Variants in NEGR1 observed in about 807,000 individuals in gnomAD.
NEGR1 encodes the protein IgLON family member 4.
In NEGR1, 10 loss-of-function variants were observed where a neutral mutation model predicts 40.9. The observed-to-expected ratio is 0.24, with a 90% CI of 0.15 to 0.42. The LOEUF (loss-of-function observed/expected upper bound fraction) is 0.42. Among genes scored for constraint, NEGR1 ranks in the 10% least tolerant of loss-of-function variants. The probability of loss-of-function intolerance (pLI) is 1.00; values close to 1 mark genes in which losing one functional copy is unlikely to be tolerated. For missense variants in NEGR1, 352 were observed against 438.9 expected, an observed-to-expected ratio of 0.80 and a Z score of 1.77; for synonymous variants, 185 against 166.8, an observed-to-expected ratio of 1.11 and a Z score of -0.84.
intron 4 of NEGR1, among the ~76,000 whole-genome samples, chr1:71,671,692 AC>A (rs1652437706): frequency 6.6e-6 from 1 of 152,074 alleles, no homozygotes; most frequent in Non-Finnish European, 1.5e-5. Context: ...TCTGATAAAT[AC>A]CATGGCCAGG....
At chr1:72,067,484 C>A (rs1481966979) in intron 1 of NEGR1, among the ~76,000 whole-genome samples, 1 of 152,052 alleles carries the variant, frequency 6.6e-6, no homozygotes, top group Non-Finnish European at 1.5e-5. Context: ...GATATCTACT[C>A]CAGTTTTAGG....
chr1:71,706,201 G>A (rs1653894008), intron 3 of NEGR1, among the ~76,000 whole-genome samples: 1 of 152,176 alleles, frequency 6.6e-6, no homozygotes, highest in Admixed American at 6.5e-5. Context: ...CAGCTGTGAG[G>A]CATTAAACTC....
intron 2 of NEGR1, among the ~76,000 whole-genome samples, chr1:71,905,982 C>T (rs927555268): frequency 3.3e-5 from 5 of 152,002 alleles, no homozygotes; most frequent in Non-Finnish European, 5.9e-5. Context: ...CCAGAAACTG[C>T]CACCTAATAT....
At chr1:72,022,849 T>C (rs918978278) in intron 1 of NEGR1, among the ~76,000 whole-genome samples, 1 of 152,158 alleles carries the variant, frequency 6.6e-6, no homozygotes, top group Admixed American at 6.5e-5. Flanking sequence ...AATTCAATAA[T>C]TGTTTGGCAA....
intron 2 of NEGR1, among the ~76,000 whole-genome samples, chr1:71,907,745 C>T (rs1661316656): frequency 6.6e-6 from 1 of 152,096 alleles, no homozygotes; most frequent in Non-Finnish European, 1.5e-5. Flanking sequence ...GACATGAAAT[C>T]AACCTAGGTG....
intron 3 of NEGR1, among the ~76,000 whole-genome samples, chr1:71,745,622 G>C (rs1372150497): frequency 1.3e-5 from 2 of 152,036 alleles, no homozygotes; most frequent in Non-Finnish European, 2.9e-5. Context: ...TAAAAATTTT[G>C]GGAAAGTTTC....
rs538258360 is a variant in NEGR1 at position 71,645,293 on chromosome 1, G to A, written c.668-34147C>T. Among the ~76,000 whole-genome samples the A allele has an allele frequency of 1.3e-4, 20 of 152,106 alleles. 2 individuals carry two copies. Among genetic ancestry groups the A allele is most frequent in the South Asian group, 8.3e-4 (4 of 4,832 alleles). ...GTATGCATAGTACTCACTGATATTT[G>A]TTGACTGTTAGGTAAATAAAACTTT... On this transcript the variant is annotated intron_variant, in intron 4 of 6. Coordinates refer to ENST00000357731, the MANE Select transcript of NEGR1 (RefSeq NM_173808.3).
intron 1 of NEGR1, among the ~76,000 whole-genome samples, chr1:72,236,251 G>C (rs12096618): frequency 1.3e-5 from 2 of 151,970 alleles, no homozygotes; most frequent in Non-Finnish European, 2.9e-5. Context: ...ATGGACACAG[G>C]GAGGGGAACA....
intron 4 of NEGR1, among the ~76,000 whole-genome samples, chr1:71,639,766 G>A (rs1454442519): frequency 6.6e-6 from 1 of 152,004 alleles, no homozygotes; most frequent in Admixed American, 6.6e-5. Context: ...CTGAGTACCA[G>A]AGGCAGCATG....
At chr1:71,610,893 A>G in intron 5 of NEGR1, 133 bp downstream of exon 5, 2 of 830,496 alleles carry the variant, frequency 2.4e-6, no homozygotes, top group Non-Finnish European at 3.8e-6. Flanking sequence ...GGGCCCCTTC[A>G]GTTTGCTTGC....
At chr1:71,500,377 C>T (rs1287398916) in intron 6 of NEGR1, among the ~76,000 whole-genome samples, 7 of 151,866 alleles carry the variant, frequency 4.6e-5, no homozygotes, top group Non-Finnish European at 7.4e-5. Context: ...CTGAACTTTC[C>T]ACCAGGACTC....
At chr1:72,233,691 T>C (rs907087100) in intron 1 of NEGR1, among the ~76,000 whole-genome samples, 2 of 152,168 alleles carry the variant, frequency 1.3e-5, no homozygotes, top group Non-Finnish European at 2.9e-5. Context: ...ATCCAATCCA[T>C]TATTGATGAG....
intron 1 of NEGR1, among the ~76,000 whole-genome samples, chr1:72,253,535 T>G (rs1655171198): frequency 1.3e-5 from 2 of 152,072 alleles, no homozygotes. Context: ...TCCATTCAAC[T>G]GCAGAAAAAG....
At chr1:71,986,865 A>G (rs1646399514) in intron 1 of NEGR1, among the ~76,000 whole-genome samples, 1 of 152,208 alleles carries the variant, frequency 6.6e-6, no homozygotes, top group Non-Finnish European at 1.5e-5. Flanking sequence ...TCCCCAGTAC[A>G]AAAGTCTTAA....
intron 1 of NEGR1, among the ~76,000 whole-genome samples, chr1:72,178,541 T>C (rs569815207): frequency 4.6e-5 from 7 of 151,956 alleles, no homozygotes; most frequent in African/African-American, 1.4e-4. Flanking sequence ...GCTTAGACTG[T>C]ATCTAGGAAT....
At chr1:71,870,854 C>G (rs1432277099) in intron 2 of NEGR1, among the ~76,000 whole-genome samples, 2 of 152,110 alleles carry the variant, frequency 1.3e-5, no homozygotes, top group Non-Finnish European at 2.9e-5. Context: ...GGTGAATGTT[C>G]AAAACACTGC....
intron 6 of NEGR1, among the ~76,000 whole-genome samples, chr1:71,480,927 T>C (rs2101371755): frequency 6.6e-6 from 1 of 152,026 alleles, no homozygotes; most frequent in South Asian, 2.1e-4. Context: ...CTAGTAAAGA[T>C]TGGGTACTGA....
intron 1 of NEGR1, among the ~76,000 whole-genome samples, chr1:71,941,177 A>G (rs1054702313): frequency 6.6e-6 from 1 of 152,128 alleles, no homozygotes; most frequent in African/African-American, 2.4e-5. Context: ...GAACTTTCAA[A>G]AGCATATTAA....
chr1:71,815,916 A>C (rs767911671), intron 2 of NEGR1, among the ~76,000 whole-genome samples: 1 of 152,044 alleles, frequency 6.6e-6, no homozygotes, highest in African/African-American at 2.4e-5. Context: ...GGTTTAACAT[A>C]TTACTCTTTC....
Sources: gnomAD v4.1 joint callset for allele counts (sites outside exome capture counted in the v4.1 genomes callset) on GRCh38, gnomAD v4.1.1 for gene constraint, MANE v1.5 for transcripts, NCBI Gene and HGNC (gene_info 2026-07-23, HGNC 2026-07-21) for gene names.